CLVS1: variants seen among roughly 807,000 people sequenced by gnomAD.
CLVS1 encodes clavesin-1.
A neutral mutation model predicts 33.1 loss-of-function variants in CLVS1; 10 were observed. The ratio of observed to expected loss-of-function variants is 0.30; its 90% CI spans 0.19 to 0.51. The LOEUF (loss-of-function observed/expected upper bound fraction) is 0.51. Ranked by LOEUF, CLVS1 falls within the 20% of genes least tolerant of loss-of-function variation. The pLI is 0.97. For missense variants in CLVS1, 343 were observed against 433.4 expected (o/e 0.79, Z 1.85); for synonymous variants, 163 against 166.1 (o/e 0.98, Z 0.14).
chr8:61,202,622 G>T (rs1343759319), intron 2 of CLVS1: 5 of 1,482,146 alleles, frequency 3.4e-6, no homozygotes, highest in Non-Finnish European at 4.7e-6. Context: ...TCCCTTGGGG[G>T]CTTTGAAACA....
chr8:61,232,022 G>GTTTTTTGTTTGTTTTTTTTTTT (rs376185436), intron 2 of CLVS1, among the ~76,000 whole-genome samples: 2 of 117,070 alleles, frequency 1.7e-5, no homozygotes, highest in South Asian at 6.1e-4. Context: ...GGAAAGTTGT[G>GTTTTTTGTTTGTTTTTTTTTTT]GTTTTTTTTT....
the CLVS1 span, among the ~76,000 whole-genome samples, chr8:61,037,932 G>A: frequency 0.082 from 12,439 of 152,200 alleles, 661 homozygotes; most frequent in Admixed American, 0.14. Flanking sequence ...GGTCAGGGAG[G>A]GGCTTTCTCA....
chr8:61,029,053 T>C, the CLVS1 span, among the ~76,000 whole-genome samples: 14,818 of 152,254 alleles, frequency 0.097, 940 homozygotes, highest in Non-Finnish European at 0.16. Flanking sequence ...ACAATAAACA[T>C]AATAGCTAAT....
At chr8:61,492,711 A>C (rs1264379834) in intron 5 of CLVS1, among the ~76,000 whole-genome samples, 1 of 152,180 alleles carries the variant, frequency 6.6e-6, no homozygotes, top group Admixed American at 6.5e-5. Flanking sequence ...TGGTTTTCTT[A>C]TATTTCCAGT....
At position 61,109,420 on chromosome 8, in the gene CLVS1, T is replaced by C. The variant is rs189273622; in HGVS notation, c.-242-22350T>C. On this transcript the variant is annotated intron_variant, in intron 1 of 2. Coordinates refer to the CLVS1 transcript ENST00000522621. ...AATTTCAGATGAAGGACAAATGCTT[T>C]TTAGCTATAATACAATACATAAATA... is the stretch of plus-strand genomic sequence containing the variant. Among the ~76,000 whole-genome samples, 416 of 152,272 alleles carry C rather than the reference T, an allele frequency of 2.7e-3. 8 individuals are homozygous for C. The highest frequency in any genetic ancestry group is 0.026 in the Admixed American group (396 of 15,290).
At chr8:61,170,750 A>G (rs888431472) in intron 2 of CLVS1, among the ~76,000 whole-genome samples, 45 of 152,190 alleles carry the variant, frequency 3.0e-4, no homozygotes, top group Admixed American at 1.4e-3. Context: ...TGATAATAGC[A>G]AGTATTCCAA....
chr8:61,032,462 A>G, the CLVS1 span, among the ~76,000 whole-genome samples: 3 of 152,186 alleles, frequency 2.0e-5, no homozygotes, highest in South Asian at 2.1e-4. Flanking sequence ...AGCAATGCCT[A>G]TCCTCCTATG....
chr8:61,184,390 T>C (rs1563435359), intron 2 of CLVS1, among the ~76,000 whole-genome samples: 1 of 152,128 alleles, frequency 6.6e-6, no homozygotes, highest in Admixed American at 6.5e-5. Flanking sequence ...TGAGGCAATA[T>C]ATGTACAAGA....
upstream of CLVS1, among the ~76,000 whole-genome samples, chr8:61,284,750 C>T (rs912295330): frequency 1.3e-5 from 2 of 152,090 alleles, no homozygotes; most frequent in African/African-American, 4.8e-5. Context: ...ATTAAGTAAG[C>T]ATTTGAGGCA....
At chr8:60,972,669 C>T in the CLVS1 span, among the ~76,000 whole-genome samples, 1 of 152,136 alleles carries the variant, frequency 6.6e-6, no homozygotes, top group Non-Finnish European at 1.5e-5. Context: ...ACCAGCAACT[C>T]CTTTGTGGCC....
At chr8:61,476,723 T>C (rs1286455375) in intron 5 of CLVS1, among the ~76,000 whole-genome samples, 5 of 152,224 alleles carry the variant, frequency 3.3e-5, no homozygotes, top group Admixed American at 1.3e-4. Flanking sequence ...TTTCTAGATA[T>C]ACAATCATGT....
intron 3 of CLVS1, among the ~76,000 whole-genome samples, chr8:61,434,288 C>T (rs1816230256): frequency 1.3e-5 from 2 of 152,074 alleles, no homozygotes; most frequent in Admixed American, 1.3e-4. Flanking sequence ...AAGGCCACAT[C>T]TAAAGTTACA....
chr8:61,400,148 G>C (rs1054735636), intron 3 of CLVS1, among the ~76,000 whole-genome samples: 1 of 152,106 alleles, frequency 6.6e-6, no homozygotes, highest in Non-Finnish European at 1.5e-5. Flanking sequence ...TCACAATATT[G>C]ATTCTTTCTA....
chr8:61,418,883 G>A (rs1372918462), intron 3 of CLVS1, among the ~76,000 whole-genome samples: 3 of 152,182 alleles, frequency 2.0e-5, no homozygotes, highest in Non-Finnish European at 4.4e-5. Context: ...GCCTGCCCTG[G>A]ATGGAGGCTG....
chr8:61,244,115 G>C (rs976412506), intron 2 of CLVS1, among the ~76,000 whole-genome samples: 1 of 152,094 alleles, frequency 6.6e-6, no homozygotes, highest in African/African-American at 2.4e-5. Flanking sequence ...ATGACTGCTT[G>C]TTTTAGCTTT....
At chr8:61,139,810 C>T (rs1362566059) in intron 2 of CLVS1, among the ~76,000 whole-genome samples, 1 of 152,060 alleles carries the variant, frequency 6.6e-6, no homozygotes, top group East Asian at 1.9e-4. Flanking sequence ...TGACCCTCTG[C>T]GGCCCCGCCA....
At chr8:61,365,449 C>A (rs949853578) in intron 2 of CLVS1, among the ~76,000 whole-genome samples, 1 of 151,926 alleles carries the variant, frequency 6.6e-6, no homozygotes, top group African/African-American at 2.4e-5. Flanking sequence ...ATAGCTTGAA[C>A]CCTGGGGGCA....
At chr8:61,214,930 T>C (rs1808053254) in intron 2 of CLVS1, among the ~76,000 whole-genome samples, 1 of 152,206 alleles carries the variant, frequency 6.6e-6, no homozygotes, top group Non-Finnish European at 1.5e-5. Context: ...TGAATACCTC[T>C]CATACTTGTG....
intron 2 of CLVS1, among the ~76,000 whole-genome samples, chr8:61,249,028 T>A (rs1808878206): frequency 6.6e-6 from 1 of 152,130 alleles, no homozygotes; most frequent in Non-Finnish European, 1.5e-5. Context: ...ACCTGTCACC[T>A]ACGTTAGATA....
Sources: gnomAD v4.1 joint callset for allele counts (sites outside exome capture counted in the v4.1 genomes callset) on GRCh38, gnomAD v4.1.1 for gene constraint, MANE v1.5 for transcripts, NCBI Gene and HGNC (gene_info 2026-07-23, HGNC 2026-07-21) for gene names.